KLHL8: variants seen among roughly 807,000 people sequenced by gnomAD.
KLHL8 encodes the protein kelch-like protein 8.
KLHL8 carries 38 observed loss-of-function variants against 63.5 expected under a neutral mutation model. The ratio of observed to expected loss-of-function variants is 0.60; its 90% CI spans 0.46 to 0.78. The LOEUF is 0.78. Ranked by LOEUF, KLHL8 falls within the 30% of genes least tolerant of loss-of-function variation. KLHL8 has a pLI of 0.00. For synonymous variants in KLHL8, 224 were observed against 254.3 expected, an observed-to-expected ratio of 0.88 and a Z score of 1.13; for missense variants, 566 against 752.4, an observed-to-expected ratio of 0.75 and a Z score of 2.90.
intron 2 of KLHL8, among the ~76,000 whole-genome samples, chr4:87,194,871 G>T (rs192898193): frequency 6.6e-6 from 1 of 152,240 alleles, no homozygotes; most frequent in East Asian, 1.9e-4. Context: ...ATGAAGTAGA[G>T]ATTAAATTAC....
intron 1 of KLHL8, among the ~76,000 whole-genome samples, chr4:87,235,001 A>G (rs1733202076): frequency 6.6e-6 from 1 of 152,230 alleles, no homozygotes; most frequent in African/African-American, 2.4e-5. Flanking sequence ...ATGGCTGTAC[A>G]GTGTGTTCTA....
At chr4:87,208,767 C>A (rs1003743669) in intron 1 of KLHL8, among the ~76,000 whole-genome samples, 3 of 152,188 alleles carry the variant, frequency 2.0e-5, no homozygotes, top group Non-Finnish European at 2.9e-5. Context: ...TGACCATATA[C>A]TTTTCCCCCT....
chr4:87,178,526 TC>T lies in KLHL8; in HGVS notation c.1046del (p.Gly349AspfsTer4). On this transcript the variant is annotated frameshift_variant, in exon 5 of 10. Coordinates refer to ENST00000273963, the MANE Select transcript of KLHL8 (RefSeq NM_020803.5). LOFTEE classifies it high-confidence loss of function. ...GTCGCCTTCGACTATTCATTTCTGG[TC>T]CAAAGAACCAACTGTTTTTGTTGAT... ...YSINKNSWFF[G>X]PEMNSRRRHV... The T allele has an allele frequency of 6.2e-7, 1 of 1,612,474 alleles. No individual in the cohort carries two copies. The highest frequency in any genetic ancestry group is 8.5e-7 in the Non-Finnish European group (1 of 1,179,730).
At chr4:87,204,962 C>CA (rs542380634) in intron 1 of KLHL8, among the ~76,000 whole-genome samples, 1 of 151,718 alleles carries the variant, frequency 6.6e-6, no homozygotes, top group Non-Finnish European at 1.5e-5. Context: ...ACTTGTACCC[C>CA]AAAAATGTCA....
rs566128026 is a variant in KLHL8, at chr4:87,226,967, T to A, written n.58-5577A>T. Among the ~76,000 whole-genome samples the A allele has an allele frequency of 4.5e-4, 24 of 53,110 alleles. 1 individual carries two copies. The highest frequency in any genetic ancestry group is 1.6e-3 in the East Asian group (4 of 2,498). 34.8% of individuals were successfully genotyped at this position (53,110 alleles called of 152,430 possible). A position where few individuals can be genotyped will look rare whatever the true frequency, so the allele number is the denominator to read the frequency against. On this transcript the variant is annotated intron_variant and non_coding_transcript_variant, in intron 1 of 1. Coordinates refer to the KLHL8 transcript ENST00000506274. The stretch of plus-strand genomic sequence containing the variant: ...ATATATTATATATAAGTAATATATA[T>A]TATATATAAATAATATATAATATAT...
intron 1 of KLHL8, among the ~76,000 whole-genome samples, chr4:87,230,351 T>C (rs900983663): frequency 6.6e-6 from 1 of 152,202 alleles, no homozygotes; most frequent in African/African-American, 2.4e-5. Context: ...CAAGGACTTC[T>C]GTCAATTTCA....
At chr4:87,238,728 T>C (rs1354754299) in intron 1 of KLHL8, among the ~76,000 whole-genome samples, 1 of 152,164 alleles carries the variant, frequency 6.6e-6, no homozygotes, top group Non-Finnish European at 1.5e-5. Flanking sequence ...ATTGGACTTA[T>C]TTGTATTTAT....
At chr4:87,195,978 T>C (rs1731680439) in intron 1 of KLHL8, among the ~76,000 whole-genome samples, 2 of 152,136 alleles carry the variant, frequency 1.3e-5, no homozygotes, top group African/African-American at 2.4e-5. Flanking sequence ...AAAATTTTTC[T>C]ATTTTTTAAT....
At chr4:87,223,790 A>G (rs1402196564), upstream of KLHL8, among the ~76,000 whole-genome samples, 1 of 152,228 alleles carries the variant, frequency 6.6e-6, no homozygotes, top group East Asian at 1.9e-4. Flanking sequence ...TATATACAGT[A>G]TCTTACAAAA....
rs779047035 is a variant in KLHL8 at position 87,170,098 on chromosome 4, A to G, written c.1518T>C (p.His506=). 1.2e-6 allele frequency: 2 copies of G among 1,613,914 alleles called. No individual in the cohort carries two copies. Among genetic ancestry groups the G allele is most frequent in the East Asian group, 2.2e-5 (1 of 44,870 alleles). ...RRAGNGVSKL[H]GCLYVVGGFD... The stretch of plus-strand genomic sequence containing the variant: ...ACTCACCAACTACGTATAAGCAACC[A>G]TGAAGCTTGCTAACTCCATTGCCTG... Residue 506 remains histidine (H), a synonymous_variant, in exon 8 of 10, where the codon CAT becomes CAC. Transcript: ENST00000273963.
rs1262473793 is a variant in KLHL8, at chr4:87,161,648, T to G, written c.*1871A>C. On this transcript the variant is annotated 3_prime_UTR_variant, in exon 10 of 10. Transcript: ENST00000273963. ...AGTAACCATAGCTAAACAAACACTG[T>G]AATATAAGAACTCCATTAGACATAA... 6.6e-6 allele frequency: 1 copy of G among 152,166 alleles called. No individual in the cohort carries two copies. The highest frequency in any genetic ancestry group is 1.5e-5 in the Non-Finnish European group (1 of 68,034). The allele number at this position is 152,166 out of a possible 1,614,324, so 9.4% of individuals were successfully genotyped here. A position where few individuals can be genotyped will look rare whatever the true frequency, so the allele number is the denominator to read the frequency against.
chr4:87,174,622 A>G (rs1308315247), intron 6 of KLHL8, among the ~76,000 whole-genome samples: 2 of 152,136 alleles, frequency 1.3e-5, no homozygotes, highest in African/African-American at 2.4e-5. Flanking sequence ...AATATTTTCA[A>G]TATTTACTAA....
intron 1 of KLHL8, among the ~76,000 whole-genome samples, chr4:87,238,724 C>G (rs905392784): frequency 1.3e-5 from 2 of 152,014 alleles, no homozygotes; most frequent in Non-Finnish European, 1.5e-5. Flanking sequence ...ATGTATTGGA[C>G]TTATTTGTAT....
chr4:87,212,962 C>T (rs1218442042), intron 1 of KLHL8, among the ~76,000 whole-genome samples: 1 of 152,184 alleles, frequency 6.6e-6, no homozygotes, highest in Non-Finnish European at 1.5e-5. Flanking sequence ...GTATCCCCAT[C>T]CTTAAATGAC....
intron 1 of KLHL8, among the ~76,000 whole-genome samples, chr4:87,196,120 C>T (rs6531956): frequency 0.35 from 52,618 of 150,916 alleles, 9,940 homozygotes; most frequent in Middle Eastern, 0.56. Context: ...TGGCCATGAA[C>T]TAAAAATCTT....
chr4:87,235,309 C>T (rs1303419328), intron 1 of KLHL8, among the ~76,000 whole-genome samples: 1 of 152,120 alleles, frequency 6.6e-6, no homozygotes, highest in African/African-American at 2.4e-5. Context: ...ACCTTTCCTA[C>T]GTTTAGGTAC....
Position 87,161,545 on chromosome 4 carries a change from C to G in KLHL8, c.*1974G>C, listed in dbSNP as rs1235843795. Reference sequence around the variant, plus strand: ...ACATATAAGAAAGACAGAAATACATCAAAGAAAAAACATTTTAAATAATCT... The same window carrying G: ...ACATATAAGAAAGACAGAAATACATGAAAGAAAAAACATTTTAAATAATCT... On this transcript the variant is annotated 3_prime_UTR_variant, in exon 10 of 10. Coordinates refer to ENST00000273963, the MANE Select transcript of KLHL8 (RefSeq NM_020803.5). 3.3e-5 allele frequency: 5 copies of G among 151,966 alleles called. No individual in the cohort carries two copies. The highest frequency in any genetic ancestry group is 7.4e-5 in the Non-Finnish European group (5 of 67,982). 9.4% of individuals were successfully genotyped at this position (151,966 alleles called of 1,614,324 possible). A position where few individuals can be genotyped will look rare whatever the true frequency, so the allele number is the denominator to read the frequency against.
intron 1 of KLHL8, among the ~76,000 whole-genome samples, chr4:87,209,237 A>G (rs989840993): frequency 6.6e-6 from 1 of 152,176 alleles, no homozygotes; most frequent in African/African-American, 2.4e-5. Context: ...AATAAATGAT[A>G]TTCCTCCTTC....
At chr4:87,176,705 A>T in intron 6 of KLHL8, 52 bp downstream of exon 6, 1 of 1,080,280 alleles carries the variant, frequency 9.3e-7, no homozygotes, top group Non-Finnish European at 1.4e-6. Flanking sequence ...TTTAAATTTT[A>T]AGAAACTTTA....
Sources: gnomAD v4.1 joint callset for allele counts (sites outside exome capture counted in the v4.1 genomes callset) on GRCh38, gnomAD v4.1.1 for gene constraint, MANE v1.5 for transcripts, NCBI Gene and HGNC (gene_info 2026-07-23, HGNC 2026-07-21) for gene names.